The following DNAI7 variants were observed in gnomAD, a reference collection of about 807,000 sequenced individuals.
DNAI7 encodes the protein dynein axonemal intermediate chain 7, also known as cancer susceptibility 1.
A neutral mutation model predicts 86.6 loss-of-function variants in DNAI7; 78 were observed. That is an observed-to-expected ratio of 0.90 (90% CI 0.75 to 1.09). The LOEUF is 1.09. Among genes scored for constraint, DNAI7 ranks in the 50% least tolerant of loss-of-function variants. DNAI7 has a pLI of 0.00. For missense variants in DNAI7, 753 were observed against 810.2 expected (o/e 0.93, Z 0.86); for synonymous variants, 274 against 273.0 (o/e 1.00, Z -0.04).
intron 6 of DNAI7, 56 bp downstream of exon 6, chr12:25,154,263 G>C: frequency 7.1e-7 from 1 of 1,405,786 alleles, no homozygotes. Context: ...TTTATTTTGA[G>C]TTAATATCAG....
Position 25,149,677 on chromosome 12 carries a change from T to G in DNAI7, c.536A>C (p.Gln179Pro). 6.2e-7 allele frequency: 1 copy of G among 1,604,836 alleles called. No homozygotes were observed. Among genetic ancestry groups the G allele is most frequent in the Non-Finnish European group, 8.5e-7 (1 of 1,173,436 alleles). The change falls in exon 7 of 16, where the codon CAG becomes CCG. Residue 179 changes from glutamine (Q) to proline (P), a missense_variant. By Grantham distance (76) the Gln-to-Pro change is moderately conservative. Transcript: ENST00000395987. The part of the protein sequence containing the change: ...IQYQESILQL[Q>P]ELLHLKFGVA... ...ACCGAATTTAAGATGAAGGAGCTCC[T>G]GCAGTTGTAGTATTGATTCTTGGTA...
downstream of DNAI7, chr12:25,108,212 T>G (rs1399954764): frequency 2.5e-6 from 2 of 800,482 alleles, no homozygotes; most frequent in Non-Finnish European, 3.8e-6. Flanking sequence ...TTTGCCTTTA[T>G]CTCCCCAACT....
At position 25,174,372 on chromosome 12, in the gene DNAI7, T is replaced by TATATATATGATA. The variant is rs1491148819; in HGVS notation, c.22-13176_22-13175insTATCATATATAT. Among the ~76,000 whole-genome samples, 2 of 6,056 alleles carry TATATATATGATA rather than the reference T, an allele frequency of 3.3e-4. 1 individual carries two copies. The highest frequency in any genetic ancestry group is 2.4e-3 in the African/African-American group (2 of 838). The allele number at this position is 6,056 out of a possible 152,430, so 4.0% of individuals were successfully genotyped here. ...ATGATATATATATCCCATATATATGTTATATCATATATATGGGATATATCA... is the reference window on the plus strand; with the variant it reads ...ATGATATATATATCCCATATATATGTATATATATGATATATATCATATATATGGGATATATCA... On this transcript the variant is annotated intron_variant, in intron 2 of 15. Transcript: ENST00000395987.
intron 12 of DNAI7, among the ~76,000 whole-genome samples, chr12:25,117,018 C>T (rs1202468669): frequency 6.6e-6 from 1 of 152,088 alleles, no homozygotes; most frequent in East Asian, 1.9e-4. Flanking sequence ...ACTGCAGCCT[C>T]AACCTGCTGG....
At chr12:25,129,485 G>A (rs889927862) in intron 9 of DNAI7, among the ~76,000 whole-genome samples, 1 of 152,124 alleles carries the variant, frequency 6.6e-6, no homozygotes, top group African/African-American at 2.4e-5. Flanking sequence ...TACATTTGTG[G>A]CACATTAAAG....
At position 25,173,759 on chromosome 12, in the gene DNAI7, T is replaced by C. The variant is rs1022365547; in HGVS notation, c.22-12562A>G. Among the ~76,000 whole-genome samples, 8 of 151,184 alleles carry C rather than the reference T, an allele frequency of 5.3e-5. No homozygotes were observed. In the South Asian group the frequency reaches 1.0e-3, roughly 20 times the overall value. ...TGATATATATATATACACACACACA[T>C]GCACACACAAATCATATATATACAC... On this transcript the variant is annotated intron_variant, in intron 2 of 15. Transcript: ENST00000395987.
At chr12:25,121,643 TC>T (rs1941306733) in intron 11 of DNAI7, 109 bp downstream of exon 11, 3 of 834,272 alleles carry the variant, frequency 3.6e-6, no homozygotes, top group East Asian at 3.0e-5. Context: ...TTACATTTTT[TC>T]CTTTGTGTTT....
At chr12:25,138,389 G>A (rs961483742) in intron 9 of DNAI7, among the ~76,000 whole-genome samples, 2 of 152,162 alleles carry the variant, frequency 1.3e-5, no homozygotes, top group South Asian at 2.1e-4. Context: ...CTGGAACCCA[G>A]GAGGCAGAGG....
intron 2 of DNAI7, among the ~76,000 whole-genome samples, chr12:25,171,153 C>CA (rs1035156109): frequency 5.3e-5 from 8 of 151,414 alleles, no homozygotes; most frequent in South Asian, 2.1e-4. Flanking sequence ...GAAATTGAAT[C>CA]AAAAAAATGC....
intron 9 of DNAI7, among the ~76,000 whole-genome samples, chr12:25,141,684 G>A (rs1944201693): frequency 3.3e-5 from 5 of 152,100 alleles, no homozygotes; most frequent in Admixed American, 3.3e-4. Flanking sequence ...CAAAAAATTA[G>A]CCAGGCGTGG....
intron 11 of DNAI7, among the ~76,000 whole-genome samples, chr12:25,120,487 C>G (rs1002186322): frequency 3.0e-4 from 45 of 151,962 alleles, no homozygotes; most frequent in African/African-American, 1.0e-3. Flanking sequence ...CTTTGGGAGG[C>G]CGAGGCGGGC....
intron 2 of DNAI7, among the ~76,000 whole-genome samples, chr12:25,163,498 C>T (rs924911130): frequency 3.3e-5 from 5 of 152,178 alleles, no homozygotes; most frequent in Non-Finnish European, 7.4e-5. Flanking sequence ...TCTTATAAAA[C>T]GGCCCTACCC....
In DNAI7 at chr12:25,113,950, T is replaced by TG. The variant is rs1294719458; in HGVS notation, c.1611+705_1611+706insC. 1.4e-3 allele frequency among the ~76,000 whole-genome samples: 190 copies of TG among 140,328 alleles called. 2 individuals carry two copies. The East Asian group carries it at 0.023, about 17-fold the overall frequency. The allele number at this position is 140,328 out of a possible 152,430, so 92.1% of individuals were successfully genotyped here. A position where few individuals can be genotyped will look rare whatever the true frequency, so the allele number is the denominator to read the frequency against. ...TCTTTCTTTCTGGGTTTTTTTTTTT[T>TG]TTTTTTTTTTTTTGAGACAGAGTTT... On this transcript the variant is annotated intron_variant, in intron 13 of 15. Coordinates refer to ENST00000395987, the MANE Select transcript of DNAI7 (RefSeq NM_018272.5).
At chr12:25,190,197 A>C (rs1020549971) in intron 2 of DNAI7, among the ~76,000 whole-genome samples, 1 of 152,172 alleles carries the variant, frequency 6.6e-6, no homozygotes, top group Non-Finnish European at 1.5e-5. Context: ...AAACCCACCA[A>C]GTATGTGTTA....
intron 2 of DNAI7, among the ~76,000 whole-genome samples, chr12:25,171,079 A>G (rs1432693043): frequency 1.3e-5 from 2 of 152,168 alleles, no homozygotes; most frequent in African/African-American, 2.4e-5. Context: ...TAGAAAAACA[A>G]GAGCAAACCA....
chr12:25,110,968 A>G (rs1938698306), intron 14 of DNAI7, among the ~76,000 whole-genome samples: 1 of 152,204 alleles, frequency 6.6e-6, no homozygotes, highest in African/African-American at 2.4e-5. Context: ...GCAGAACACT[A>G]CATTCAACAA....
At chr12:25,112,470 G>C (rs1242151529) in intron 13 of DNAI7, among the ~76,000 whole-genome samples, 1 of 131,206 alleles carries the variant, frequency 7.6e-6, no homozygotes, top group Non-Finnish European at 1.5e-5. Flanking sequence ...GCAGTGGTGT[G>C]ATCTTGGCTC....
At chr12:25,108,136 C>A, downstream of DNAI7, 1 of 1,509,396 alleles carries the variant, frequency 6.6e-7, no homozygotes, top group Admixed American at 1.8e-5. Flanking sequence ...TAACTTTTAG[C>A]TGGGAAAGTA....
At chr12:25,157,729 T>C (rs1190086149) in intron 4 of DNAI7, among the ~76,000 whole-genome samples, 2 of 152,192 alleles carry the variant, frequency 1.3e-5, no homozygotes, top group African/African-American at 2.4e-5. Context: ...TTAATAGTAA[T>C]GGAGTTTTGT....
Sources: gnomAD v4.1 joint callset for allele counts (sites outside exome capture counted in the v4.1 genomes callset) on GRCh38, gnomAD v4.1.1 for gene constraint, MANE v1.5 for transcripts, NCBI Gene and HGNC (gene_info 2026-07-23, HGNC 2026-07-21) for gene names.